Variants in RNF213 observed in about 807,000 individuals in gnomAD.
The protein encoded by RNF213 is E3 ubiquitin-protein ligase RNF213.
A neutral mutation model predicts 514.4 loss-of-function variants in RNF213; 341 were observed. That is an observed-to-expected ratio of 0.66 (90% CI 0.61 to 0.73). RNF213 has a LOEUF of 0.73. Among genes scored for constraint, RNF213 ranks in the 30% least tolerant of loss-of-function variants. The probability of loss-of-function intolerance (pLI) is 0.00; values close to 1 mark genes in which losing one functional copy is unlikely to be tolerated. For synonymous variants in RNF213, 2,655 were observed against 2,658.2 expected (o/e 1.00, Z 0.04); for missense variants, 5,767 against 6,615.6 (o/e 0.87, Z 4.45).
chr17:80,307,854 G>GTTTT (rs59352873), intron 13 of RNF213, among the ~76,000 whole-genome samples: 8 of 130,742 alleles, frequency 6.1e-5, no homozygotes, highest in Admixed American at 1.6e-4. Flanking sequence ...CTGGCCGTCT[G>GTTTT]TTTTTTTTTT....
In RNF213 at chr17:80,340,056, G is replaced by T; in HGVS notation, c.5689G>T (p.Ala1897Ser). The T allele has an allele frequency of 1.9e-6, 3 of 1,569,790 alleles. No individual in the cohort carries two copies. Among genetic ancestry groups the T allele is most frequent in the Non-Finnish European group, 1.7e-6 (2 of 1,161,770 alleles). Residue 1897 changes from alanine to serine, a missense_variant, in exon 26 of 68, where the codon GCA becomes TCA. Around this residue, in one of 13 missense-constraint regions of RNF213, gnomAD observed 1,377 missense variants for 1,635.2 expected, o/e 0.84. Coordinates refer to ENST00000582970, the MANE Select transcript of RNF213 (RefSeq NM_001256071.3). ...GCACAAGGTCTACAGCCTGCTGTTC[G>T]CAGATCAGCTGAGCTACGAGGTGGC... ...LGHKVYSLLF[A>S]DQLSYEVARQ...
chr17:80,279,815 CTAA>C (rs1165236400), intron 3 of RNF213, among the ~76,000 whole-genome samples: 1 of 152,134 alleles, frequency 6.6e-6, no homozygotes, highest in African/African-American at 2.4e-5. Flanking sequence ...ACAGGACTCA[CTAA>C]TAATATCAAA....
At chr17:80,340,406 G>T (rs1350556366) in intron 26 of RNF213, 50 bp downstream of exon 26, 1 of 1,533,326 alleles carries the variant, frequency 6.5e-7, no homozygotes, top group South Asian at 1.2e-5. Flanking sequence ...GGACTGCCCG[G>T]GGCCCTTCCC....
Position 80,393,820 on chromosome 17 carries a change from A to G in RNF213, c.*322A>G, listed in dbSNP as rs1599232131. ...TCCAGGAGACTTGTAGCTCAGCCAC[A>G]CACGCAGTAATGACCTGTGCCCGTT... On this transcript the variant is annotated 3_prime_UTR_variant, in exon 68 of 68. Transcript: ENST00000582970. 2 of 359,838 alleles carry G rather than the reference A, an allele frequency of 5.6e-6. No homozygotes were observed. Among genetic ancestry groups the G allele is most frequent in the African/African-American group, 4.2e-5 (2 of 47,380 alleles). 22.3% of individuals were successfully genotyped at this position (359,838 alleles called of 1,614,324 possible). A position where few individuals can be genotyped will look rare whatever the true frequency, so the allele number is the denominator to read the frequency against.
rs768998304 is a variant in RNF213, at chr17:80,361,798, C to A, written c.11265C>A (p.Leu3755=). The A allele has an allele frequency of 6.2e-7, 1 of 1,614,106 alleles. No homozygotes were observed. Residue 3755 remains leucine (L), a synonymous_variant, in exon 39 of 68, where the codon CTC becomes CTA. Coordinates refer to ENST00000582970, the MANE Select transcript of RNF213 (RefSeq NM_001256071.3). The part of the protein sequence containing the change: ...QTPLGRFLAQ[L]HGEPQQELLQ... ...CTCTGGGCAGGTTTCTTGCCCAGCT[C>A]CATGGAGAGCCGCAGCAGGAACTTC... is the stretch of plus-strand genomic sequence containing the variant.
At chr17:80,292,966 A>G (rs1482721414) in intron 8 of RNF213, among the ~76,000 whole-genome samples, 1 of 152,218 alleles carries the variant, frequency 6.6e-6, no homozygotes, top group East Asian at 1.9e-4. Context: ...ATACAGAAGA[A>G]TGTAAATTTA....
Position 80,383,033 on chromosome 17 carries a change from A to C in RNF213, c.14033A>C (p.Glu4678Ala). The change falls in exon 58 of 68, where the codon GAA becomes GCA. Residue 4678 changes from glutamate (E) to alanine (A), a missense_variant. Physicochemically the swap from Glu to Ala is moderately radical, Grantham distance 107. This residue lies in a region of RNF213 where 1,245 missense variants were observed against 1,339.0 expected (regional missense o/e 0.93). Transcript: ENST00000582970. ...ACTAAAGAAATGAGGAACAACTGGG[A>C]AAAGGAAATCGCAGCTGTGATTTCT... Reference protein sequence around the residue: ...LSTKEMRNNWEKEIAAVISPE... With the variant: ...LSTKEMRNNWAKEIAAVISPE... 6.2e-7 allele frequency: 1 copy of C among 1,613,308 alleles called. No homozygotes were observed. The highest frequency in any genetic ancestry group is 8.5e-7 in the Non-Finnish European group (1 of 1,179,310).
At chr17:80,349,432 G>A (rs1427413109) in intron 29 of RNF213, among the ~76,000 whole-genome samples, 3 of 152,214 alleles carry the variant, frequency 2.0e-5, no homozygotes, top group East Asian at 3.9e-4. Flanking sequence ...AGCATGAGTC[G>A]TACTATAACA....
intron 37 of RNF213, among the ~76,000 whole-genome samples, chr17:80,359,621 TAAAG>T (rs869154801): frequency 3.3e-4 from 44 of 135,066 alleles, no homozygotes; most frequent in East Asian, 1.7e-3. Flanking sequence ...AGAAAGAAAG[TAAAG>T]AAAGAAAGAG....
chr17:80,347,062 G>A lies in RNF213; in HGVS notation c.8727G>A (p.Glu2909=). 6.2e-7 allele frequency: 1 copy of A among 1,614,098 alleles called. No homozygotes were observed. Among genetic ancestry groups the A allele is most frequent in the Admixed American group, 1.7e-5 (1 of 60,016 alleles). ...CACGTGGCAGCCCCAACGAGACAGAGCTCATAGAGAGCGCCAAGGGCATCT... is the reference window on the plus strand; with the variant it reads ...CACGTGGCAGCCCCAACGAGACAGAACTCATAGAGAGCGCCAAGGGCATCT... The part of the protein sequence containing the change: ...FVSRGSPNET[E]LIESAKGICS... The change falls in exon 29 of 68, where the codon GAG becomes GAA. Residue 2909 remains glutamate (E), a synonymous_variant. Coordinates refer to ENST00000582970, the MANE Select transcript of RNF213 (RefSeq NM_001256071.3). This position sits in a 1 kb window ranked among gnomAD's most constrained non-coding sequence, Gnocchi z 7.2.
At chr17:80,357,878 C>T (rs1359253064) in intron 36 of RNF213, among the ~76,000 whole-genome samples, 1 of 152,188 alleles carries the variant, frequency 6.6e-6, no homozygotes, top group East Asian at 1.9e-4. Flanking sequence ...TTCCTGTCTA[C>T]TTGCACGGCT....
chr17:80,332,058 A>G lies in RNF213; in HGVS notation c.3570A>G (p.Arg1190=). 6.5e-7 allele frequency: 1 copy of G among 1,537,196 alleles called. No individual in the cohort carries two copies. Among genetic ancestry groups the G allele is most frequent in the Non-Finnish European group, 8.7e-7 (1 of 1,146,922 alleles). ...ACTCACAAGACCTCAGCAGTAAAAG[A>G]TTAAATGACACCGTGACAGTGAGAC... ...VRHSQDLSSK[R]LNDTVTVRLS... is the part of the protein sequence containing the mutation. The change falls in exon 21 of 68, where the codon AGA becomes AGG. Residue 1190 remains arginine (R), a synonymous_variant. Coordinates refer to ENST00000582970, the MANE Select transcript of RNF213 (RefSeq NM_001256071.3).
chr17:80,265,246 C>T (rs2043574334), intron 2 of RNF213, among the ~76,000 whole-genome samples: 1 of 152,104 alleles, frequency 6.6e-6, no homozygotes, highest in Non-Finnish European at 1.5e-5. Context: ...GGGGTTTCAC[C>T]ATGTTGGCCA....
At chr17:80,367,719 T>C in intron 42 of RNF213, 29 bp from the exon 43 acceptor site, 1 of 1,598,294 alleles carries the variant, frequency 6.3e-7, no homozygotes, top group African/African-American at 1.3e-5. Context: ...TCCCCCCTGC[T>C]AATGACTCCT....
At chr17:80,381,863 C>A in intron 57 of RNF213, 136 bp downstream of exon 57, 1 of 873,464 alleles carries the variant, frequency 1.1e-6, no homozygotes, top group Non-Finnish European at 1.8e-6. Flanking sequence ...AATGAGAGAA[C>A]ACACAGAGAG....
intron 49 of RNF213, among the ~76,000 whole-genome samples, 168 bp downstream of exon 49, chr17:80,373,333 ACCTCAC>A (rs990508411): frequency 1.6e-5 from 2 of 127,270 alleles, no homozygotes; most frequent in African/African-American, 5.8e-5. Context: ...ACACCCCCAC[ACCTCAC>A]CCTCACACCC....
In RNF213 at chr17:80,288,363, G is replaced by T; in HGVS notation, c.810G>T (p.Met270Ile). 1 of 1,612,042 alleles carries T rather than the reference G, an allele frequency of 6.2e-7. No homozygotes were observed. Residue 270 changes from methionine (M) to isoleucine (I), a missense_variant and splice_region_variant, in exon 4 of 68, where the codon ATG (methionine) becomes ATT (isoleucine). Transcript: ENST00000582970. The surrounding 1 kb of genome is among the most constrained non-coding windows in gnomAD (Gnocchi z 4.9). Reference protein sequence around the residue: ...TEQQAGASASMAVDAVAEPAN... With the variant: ...TEQQAGASASIAVDAVAEPAN... ...AACAGGCAGGGGCCTCAGCCTCTATGGTGAGTCATCCGGGAGAGATGGCCT... is the reference window on the plus strand; with the variant it reads ...AACAGGCAGGGGCCTCAGCCTCTATTGTGAGTCATCCGGGAGAGATGGCCT...
chr17:80,265,052 T>TTG (rs2043566333), intron 2 of RNF213, among the ~76,000 whole-genome samples: 2 of 149,474 alleles, frequency 1.3e-5, no homozygotes, highest in Admixed American at 6.6e-5. Flanking sequence ...TTGTTTTTTT[T>TTG]TTTTTTTTTA....
At chr17:80,385,365 CCTCCCTCTCTAGCT>C (rs1401311790) in intron 60 of RNF213, among the ~76,000 whole-genome samples, 159 bp from the exon 61 acceptor site, 1 of 152,212 alleles carries the variant, frequency 6.6e-6, no homozygotes, top group African/African-American at 2.4e-5. Context: ...CTGAAAAGCA[CCTCCCTCTCTAGCT>C]CCTCAAACTC....
Sources: allele counts gnomAD v4.1 joint callset (sites outside exome capture counted in the v4.1 genomes callset), GRCh38; gene constraint gnomAD v4.1.1; regional missense constraint gnomAD v4.1.1; non-coding constraint Gnocchi (gnomAD v3.1); transcripts MANE v1.5; gene names NCBI Gene and HGNC (gene_info 2026-07-23, HGNC 2026-07-21).